Variants in CNTN6 observed in about 807,000 individuals in gnomAD.
CNTN6 encodes contactin-6.
CNTN6 carries 137 observed loss-of-function variants against 122.8 expected under a neutral mutation model. The ratio of observed to expected loss-of-function variants is 1.12; its 90% confidence interval spans 0.97 to 1.29. CNTN6 has a LOEUF of 1.29. Ranked by LOEUF, CNTN6 falls within the 50% of genes most tolerant of loss-of-function variation. The probability of loss-of-function intolerance (pLI) is 0.00; values close to 1 mark genes in which losing one functional copy is unlikely to be tolerated. For synonymous variants in CNTN6, 570 were observed against 426.0 expected, an observed-to-expected ratio of 1.34 and a Z score of -4.16; for missense variants, 1,634 against 1,223.4, an observed-to-expected ratio of 1.34 and a Z score of -5.01.
chr3:1,377,102 T>G, intron 17 of CNTN6, 27 bp downstream of exon 17: 2 of 1,525,650 alleles, frequency 1.3e-6, no homozygotes, highest in African/African-American at 1.4e-5. Context: ...CTGAGTTATT[T>G]TGAAGAAAAG....
chr3:1,280,459 A>ATTTTTTTTTTTTGTTTTTT (rs1693178233), intron 5 of CNTN6, among the ~76,000 whole-genome samples: 1 of 66,652 alleles, frequency 1.5e-5, no homozygotes, highest in Non-Finnish European at 2.7e-5. Flanking sequence ...TGTAATACCA[A>ATTTTTTTTTTTTGTTTTTT]TTTTTTTTTT....
At chr3:1,151,252 T>C (rs1383288466) in intron 2 of CNTN6, among the ~76,000 whole-genome samples, 1 of 152,210 alleles carries the variant, frequency 6.6e-6, no homozygotes, top group South Asian at 2.1e-4. Context: ...AGGGATTCAG[T>C]AAATATTTGT....
intron 11 of CNTN6, among the ~76,000 whole-genome samples, chr3:1,330,724 A>G (rs1424277052): frequency 3.9e-5 from 6 of 151,996 alleles, no homozygotes; most frequent in Middle Eastern, 3.4e-3. Flanking sequence ...CATATGTTCC[A>G]TGACTTATAT....
chr3:1,338,997 G>A (rs1038237411), intron 11 of CNTN6, among the ~76,000 whole-genome samples: 1 of 151,666 alleles, frequency 6.6e-6, no homozygotes, highest in African/African-American at 2.4e-5. Flanking sequence ...AATAAAAGCT[G>A]GAGTAATAGT....
At chr3:1,135,088 C>T (rs761013794) in intron 1 of CNTN6, among the ~76,000 whole-genome samples, 11 of 152,118 alleles carry the variant, frequency 7.2e-5, no homozygotes, top group South Asian at 4.1e-4. Flanking sequence ...CCACCCACAA[C>T]GAAGTATTGC....
intron 11 of CNTN6, among the ~76,000 whole-genome samples, chr3:1,331,413 C>A (rs1342978005): frequency 1.3e-5 from 2 of 151,900 alleles, no homozygotes; most frequent in East Asian, 3.9e-4. Flanking sequence ...TGGGGAAATC[C>A]CTCAAGACAT....
At chr3:1,259,932 T>G (rs1035565594) in intron 4 of CNTN6, among the ~76,000 whole-genome samples, 3 of 152,160 alleles carry the variant, frequency 2.0e-5, no homozygotes, top group African/African-American at 7.2e-5. Context: ...AGAAATTCTG[T>G]GTTTAAATGA....
intron 5 of CNTN6, among the ~76,000 whole-genome samples, chr3:1,290,590 T>C (rs573100573): frequency 1.3e-4 from 20 of 152,326 alleles, no homozygotes; most frequent in South Asian, 1.2e-3. Flanking sequence ...ATTCAGGGCG[T>C]GCCCATAGAT....
chr3:1,199,382 G>A (rs1409185940), intron 2 of CNTN6, among the ~76,000 whole-genome samples: 1 of 151,750 alleles, frequency 6.6e-6, no homozygotes, highest in African/African-American at 2.4e-5. Flanking sequence ...GTCTCACCAT[G>A]TTGCCAAAGC....
chr3:1,400,620 A>G (rs550191879), intron 20 of CNTN6, among the ~76,000 whole-genome samples: 1 of 152,268 alleles, frequency 6.6e-6, no homozygotes, highest in Non-Finnish European at 1.5e-5. Flanking sequence ...AACGGCATGC[A>G]TCTTTCACAT....
chr3:1,294,146 A>G (rs1353067595), intron 5 of CNTN6, among the ~76,000 whole-genome samples: 1 of 152,212 alleles, frequency 6.6e-6, no homozygotes, highest in African/African-American at 2.4e-5. Context: ...GTCTTAGACA[A>G]GGATGCTTAT....
chr3:1,316,431 C>A (rs764138885), intron 7 of CNTN6, among the ~76,000 whole-genome samples: 1 of 151,688 alleles, frequency 6.6e-6, no homozygotes, highest in African/African-American at 2.4e-5. Context: ...TGCTACACAC[C>A]TTTAAACAAC....
chr3:1,266,386 C>G (rs1054036672), intron 4 of CNTN6, among the ~76,000 whole-genome samples: 2 of 152,116 alleles, frequency 1.3e-5, no homozygotes, highest in Non-Finnish European at 2.9e-5. Context: ...CAGTCACTCT[C>G]CCGAATTCCA....
chr3:1,366,025 T>C (rs965392416), intron 12 of CNTN6, among the ~76,000 whole-genome samples: 1 of 152,088 alleles, frequency 6.6e-6, no homozygotes, highest in Non-Finnish European at 1.5e-5. Context: ...GGAATAACTA[T>C]ATCAAAATCA....
chr3:1,351,819 C>A (rs968588455), intron 11 of CNTN6, among the ~76,000 whole-genome samples: 2 of 151,878 alleles, frequency 1.3e-5, no homozygotes, highest in African/African-American at 4.8e-5. Flanking sequence ...TAGATAGTTT[C>A]TTCAACTCAT....
intron 19 of CNTN6, 88 bp downstream of exon 19, chr3:1,383,496 G>A (rs1231488949): frequency 7.3e-6 from 7 of 956,618 alleles, no homozygotes; most frequent in Non-Finnish European, 8.3e-6. Flanking sequence ...CTACTAGCCT[G>A]TTGTTAGCAT....
intron 12 of CNTN6, among the ~76,000 whole-genome samples, chr3:1,356,413 T>C (rs1221684475): frequency 6.6e-6 from 1 of 151,834 alleles, no homozygotes; most frequent in African/African-American, 2.4e-5. Context: ...TAGAAGTCTT[T>C]ATTATACCAG....
chr3:1,305,681 T>A lies in CNTN6; in HGVS notation c.761+7690T>A, dbSNP rs115245640. ...ACATATTTTCCTTTTTTTAAAAAAA[T>A]CTTAATTTAGTACCTTTTCTGTCAG... On this transcript the variant is annotated intron_variant, in intron 7 of 22. Coordinates refer to ENST00000446702, the MANE Select transcript of CNTN6 (RefSeq NM_001289080.2). Among the ~76,000 whole-genome samples, 258 of 151,968 alleles carry A rather than the reference T, an allele frequency of 1.7e-3. 2 individuals are homozygous for A. Among genetic ancestry groups the A allele is most frequent in the African/African-American group, 6.0e-3 (247 of 41,366 alleles).
chr3:1,376,178 A>C (rs1302382623), intron 16 of CNTN6, among the ~76,000 whole-genome samples: 1 of 152,152 alleles, frequency 6.6e-6, no homozygotes, highest in Non-Finnish European at 1.5e-5. Flanking sequence ...AATGCTTTTA[A>C]ACACTTACGC....
Sources: allele counts gnomAD v4.1 joint callset (sites outside exome capture counted in the v4.1 genomes callset), GRCh38; gene constraint gnomAD v4.1.1; transcripts MANE v1.5; gene names NCBI Gene and HGNC (gene_info 2026-07-23, HGNC 2026-07-21).